The following NBDY variants were observed in gnomAD, a reference collection of about 807,000 sequenced individuals.
NBDY encodes the protein P-body dissociating protein.
intron 2 of NBDY, among the ~76,000 whole-genome samples, chrX:56,788,131 A>C (rs891248897): frequency 2.3e-4 from 26 of 112,653 alleles, no homozygotes; most frequent in African/African-American, 6.8e-4. Context: ...GCATTCCCGC[A>C]GGGTCTCCAG....
At chrX:56,796,374 G>A (rs1365795441) in intron 2 of NBDY, among the ~76,000 whole-genome samples, 1 of 112,231 alleles carries the variant, frequency 8.9e-6, no homozygotes, top group Admixed American at 9.3e-5. Flanking sequence ...CTGATTCTTT[G>A]TGTAGTTTTG....
rs181335954 is a variant in NBDY at position 56,733,363 on chromosome X, G to A, written c.*166+1164G>A. Among the ~76,000 whole-genome samples, 8 of 108,960 alleles carry A rather than the reference G, an allele frequency of 7.3e-5. No individual in the cohort carries two copies. The East Asian group carries it at 2.3e-3, about 32-fold the overall frequency. The allele number at this position is 108,960 out of a possible 115,157, so 94.6% of individuals were successfully genotyped here. ...TTAGATGTTCTTTATACAGTCATCTGGTATGTATAAAGAGTGAACAATCAT... is the reference window on the plus strand; with the variant it reads ...TTAGATGTTCTTTATACAGTCATCTAGTATGTATAAAGAGTGAACAATCAT... On this transcript the variant is annotated intron_variant, in intron 2 of 2. Coordinates refer to ENST00000374922, the MANE Select transcript of NBDY (RefSeq NM_001348129.2).
intron 2 of NBDY, among the ~76,000 whole-genome samples, chrX:56,750,694 G>T (rs1348238960): frequency 1.8e-5 from 2 of 111,509 alleles, no homozygotes; most frequent in African/African-American, 3.3e-5. Context: ...TAGGGTATAT[G>T]TCATGTTTCT....
intron 2 of NBDY, among the ~76,000 whole-genome samples, chrX:56,802,127 C>T (rs1448494748): frequency 8.9e-6 from 1 of 111,782 alleles, no homozygotes; most frequent in Admixed American, 9.4e-5. Flanking sequence ...CATAAAGGCT[C>T]TCAGTCGGCC....
intron 2 of NBDY, among the ~76,000 whole-genome samples, chrX:56,792,064 C>G (rs1288887299): frequency 9.2e-6 from 1 of 108,501 alleles, no homozygotes; most frequent in African/African-American, 3.4e-5. Flanking sequence ...GGCAAGTGTT[C>G]TAGGAGACTG....
chrX:56,802,006 AC>A (rs2069825422), intron 2 of NBDY, among the ~76,000 whole-genome samples: 1 of 108,984 alleles, frequency 9.2e-6, no homozygotes, highest in African/African-American at 3.3e-5. Flanking sequence ...ACACACACAC[AC>A]ACACACACAA....
At chrX:56,755,869 T>C (rs2069608147) in intron 2 of NBDY, among the ~76,000 whole-genome samples, 1 of 105,233 alleles carries the variant, frequency 9.5e-6, no homozygotes, top group African/African-American at 3.5e-5. Context: ...CTATTCACAA[T>C]AGCAAAGACT....
intron 2 of NBDY, among the ~76,000 whole-genome samples, chrX:56,763,849 C>CT (rs1297427282): frequency 2.7e-5 from 3 of 112,076 alleles, no homozygotes; most frequent in African/African-American, 9.7e-5. Flanking sequence ...TCCTCTTTAC[C>CT]TTTTTTCACA....
chrX:56,801,438 A>G (rs944993370), intron 2 of NBDY, among the ~76,000 whole-genome samples: 1 of 108,231 alleles, frequency 9.2e-6, no homozygotes, highest in Non-Finnish European at 1.9e-5. Context: ...CATTATACTG[A>G]GACTGCTTCT....
intron 2 of NBDY, among the ~76,000 whole-genome samples, chrX:56,803,826 A>AAAAG (rs893187445): frequency 1.3e-4 from 15 of 112,160 alleles, no homozygotes; most frequent in South Asian, 7.5e-4. Flanking sequence ...AAACAAAAAG[A>AAAAG]AAAGAAAGAA....
intron 2 of NBDY, among the ~76,000 whole-genome samples, chrX:56,744,655 C>T (rs2069547603): frequency 9.0e-6 from 1 of 111,438 alleles, no homozygotes; most frequent in Non-Finnish European, 1.9e-5. Flanking sequence ...AGAATTTAAA[C>T]TCTACAGAAA....
intron 2 of NBDY, among the ~76,000 whole-genome samples, chrX:56,798,437 C>G (rs1248789675): frequency 2.7e-5 from 3 of 111,382 alleles, no homozygotes; most frequent in African/African-American, 9.8e-5. Context: ...GTCAGACTTG[C>G]ACGAGTTGCT....
rs778778888 is a variant in NBDY at position 56,801,026 on chromosome X, C to T, written c.*167-16294C>T. 2.3e-3 allele frequency among the ~76,000 whole-genome samples: 255 copies of T among 111,844 alleles called. 1 individual carries two copies. The highest frequency in any genetic ancestry group is 3.9e-3 in the Non-Finnish European group (207 of 53,094). On this transcript the variant is annotated intron_variant, in intron 2 of 2. Transcript: ENST00000374922. ...TAGAAGCCCGTGGCCCCTTGCAGTG[C>T]GCTGATGACATCTGGAGGGCATGGC...
At chrX:56,749,876 T>C (rs1328149600) in intron 2 of NBDY, among the ~76,000 whole-genome samples, 1 of 111,194 alleles carries the variant, frequency 9.0e-6, no homozygotes, top group Non-Finnish European at 1.9e-5. Context: ...GGTCTCAAAC[T>C]CCTGAGCTTA....
intron 2 of NBDY, among the ~76,000 whole-genome samples, chrX:56,782,535 C>G (rs2069699304): frequency 8.9e-6 from 1 of 111,822 alleles, no homozygotes; most frequent in Non-Finnish European, 1.9e-5. Flanking sequence ...ATGAAGGTCA[C>G]CAGTTTAGTC....
intron 2 of NBDY, among the ~76,000 whole-genome samples, chrX:56,760,174 G>T (rs1369166497): frequency 8.8e-6 from 1 of 113,059 alleles, no homozygotes; most frequent in Admixed American, 9.2e-5. Context: ...CCGGTGGGGG[G>T]AAACCCTGCC....
At chrX:56,781,484 C>T (rs58224805) in intron 2 of NBDY, among the ~76,000 whole-genome samples, 3,011 of 111,551 alleles carry the variant, frequency 0.027, 120 homozygotes, top group African/African-American at 0.094. Flanking sequence ...TTCTGGCTGG[C>T]GCCTTATCCT....
intron 2 of NBDY, among the ~76,000 whole-genome samples, chrX:56,802,221 G>C (rs2069826922): frequency 8.9e-6 from 1 of 112,197 alleles, no homozygotes; most frequent in Non-Finnish European, 1.9e-5. Context: ...GCCTTCTCCT[G>C]AGAATGAATG....
intron 2 of NBDY, among the ~76,000 whole-genome samples, chrX:56,812,762 C>A (rs1162706486): frequency 1.8e-5 from 2 of 111,593 alleles, no homozygotes; most frequent in Non-Finnish European, 3.8e-5. Flanking sequence ...TTTGGTGACA[C>A]GAAGCTGCCA....
Sources: gnomAD v4.1 joint callset for allele counts (sites outside exome capture counted in the v4.1 genomes callset) on GRCh38, gnomAD v4.1.1 for gene constraint, MANE v1.5 for transcripts, NCBI Gene and HGNC (gene_info 2026-07-23, HGNC 2026-07-21) for gene names.